The following AGBL3 variants were observed in gnomAD, a reference collection of about 807,000 sequenced individuals.
AGBL3 encodes the protein cytosolic carboxypeptidase 3.
Under a neutral mutation model 94.5 loss-of-function variants are expected in AGBL3, and 68 were observed. That is an observed-to-expected ratio of 0.72 (90% CI 0.59 to 0.88). The LOEUF (loss-of-function observed/expected upper bound fraction) is 0.88, where lower values mean the gene tolerates loss of function less well. Ranked by LOEUF, AGBL3 falls within the 40% of genes least tolerant of loss-of-function variation. The pLI, the probability that AGBL3 is intolerant of heterozygous loss-of-function variation, is 0.00. For missense variants in AGBL3, 934 were observed against 1,103.8 expected (o/e 0.85, Z 2.18); for synonymous variants, 354 against 370.7 (o/e 0.95, Z 0.52).
At chr7:135,020,235 A>G (rs1330219133) in intron 5 of AGBL3, among the ~76,000 whole-genome samples, 6 of 152,164 alleles carry the variant, frequency 3.9e-5, no homozygotes, top group African/African-American at 1.4e-4. Context: ...AACCCCATCA[A>G]CAAGTGGGTG....
chr7:135,096,733 G>GAA (rs1554516728), intron 15 of AGBL3, among the ~76,000 whole-genome samples: 1 of 51,152 alleles, frequency 2.0e-5, no homozygotes, highest in Non-Finnish European at 4.1e-5. Context: ...AAGAAAGAAA[G>GAA]AGAAAGAATG....
At chr7:135,052,763 C>G (rs1205279647) in intron 11 of AGBL3, among the ~76,000 whole-genome samples, 1 of 152,238 alleles carries the variant, frequency 6.6e-6, no homozygotes, top group African/African-American at 2.4e-5. Context: ...AGTAAATCCT[C>G]TATAACTTTG....
Position 135,135,771 on chromosome 7 carries a change from G to A in AGBL3, c.*510G>A, listed in dbSNP as rs1829321459. ...AACATACCTGAATAAAATGATTACA[G>A]AATAAGATAAAGTGTTAAGTTGTGC... On this transcript the variant is annotated 3_prime_UTR_variant, in exon 17 of 17. Transcript: ENST00000436302. The A allele has an allele frequency of 6.6e-6, 1 of 152,120 alleles. No individual in the cohort carries two copies. The highest frequency in any genetic ancestry group is 2.4e-5 in the African/African-American group (1 of 41,418). 9.4% of individuals were successfully genotyped at this position (152,120 alleles called of 1,614,324 possible). A position where few individuals can be genotyped will look rare whatever the true frequency, so the allele number is the denominator to read the frequency against.
intron 15 of AGBL3, among the ~76,000 whole-genome samples, chr7:135,105,174 A>G (rs1274076000): frequency 2.0e-5 from 3 of 149,938 alleles, no homozygotes; most frequent in Admixed American, 6.7e-5. Flanking sequence ...GATTCAAGAG[A>G]TTCTCTTGCC....
chr7:135,081,660 A>G, intron 14 of AGBL3, 59 bp from the exon 15 acceptor site: 1 of 1,161,066 alleles, frequency 8.6e-7, no homozygotes, highest in Non-Finnish European at 1.2e-6. Context: ...GATGAAAAAT[A>G]TGAAATGTAA....
At chr7:135,004,852 ATTAT>A (rs1308456770) in intron 4 of AGBL3, among the ~76,000 whole-genome samples, 1 of 151,544 alleles carries the variant, frequency 6.6e-6, no homozygotes, top group Admixed American at 6.6e-5. Flanking sequence ...AGTGCTTGAA[ATTAT>A]TTATTAGTTC....
At chr7:135,132,114 A>C (rs925846773) in intron 16 of AGBL3, among the ~76,000 whole-genome samples, 1 of 152,210 alleles carries the variant, frequency 6.6e-6, no homozygotes, top group African/African-American at 2.4e-5. Flanking sequence ...ATTAATACCA[A>C]TTCTATACAA....
chr7:135,076,053 A>C (rs1820416693), intron 12 of AGBL3, among the ~76,000 whole-genome samples: 1 of 152,202 alleles, frequency 6.6e-6, no homozygotes, highest in African/African-American at 2.4e-5. Flanking sequence ...TTGGGCTAGA[A>C]GGAACAGGCT....
intron 16 of AGBL3, among the ~76,000 whole-genome samples, chr7:135,124,506 G>C (rs532150935): frequency 6.6e-6 from 1 of 152,246 alleles, no homozygotes; most frequent in South Asian, 2.1e-4. Flanking sequence ...AAATTAACAA[G>C]GATATTCAGG....
chr7:135,068,430 T>A (rs1035961346), intron 12 of AGBL3, among the ~76,000 whole-genome samples: 1 of 151,970 alleles, frequency 6.6e-6, no homozygotes, highest in African/African-American at 2.4e-5. Flanking sequence ...AGACACATAA[T>A]TGTCAGATTC....
chr7:135,033,128 AG>A (rs777982591), intron 6 of AGBL3, 146 bp downstream of exon 6: 5 of 907,694 alleles, frequency 5.5e-6, no homozygotes, highest in Non-Finnish European at 7.7e-6. Context: ...GTTGTGGAGG[AG>A]GGGAGTATAA....
intron 12 of AGBL3, among the ~76,000 whole-genome samples, chr7:135,062,773 G>A (rs995463441): frequency 1.3e-5 from 2 of 152,070 alleles, no homozygotes; most frequent in Non-Finnish European, 2.9e-5. Context: ...TTAGTATTCT[G>A]TTGAAGATTT....
At chr7:135,014,421 A>G (rs1584832239) in intron 4 of AGBL3, among the ~76,000 whole-genome samples, 2 of 152,198 alleles carry the variant, frequency 1.3e-5, no homozygotes, top group African/African-American at 4.8e-5. Context: ...TATCCCTTTT[A>G]TAAGATCATT....
chr7:135,106,645 G>A (rs1421092101), intron 15 of AGBL3, among the ~76,000 whole-genome samples: 1 of 152,166 alleles, frequency 6.6e-6, no homozygotes, highest in Non-Finnish European at 1.5e-5. Flanking sequence ...TTGCATCAAT[G>A]TTCACCAAGG....
chr7:135,034,117 G>T, intron 6 of AGBL3, 32 bp from the exon 7 acceptor site: 4 of 1,347,508 alleles, frequency 3.0e-6, no homozygotes, highest in Non-Finnish European at 3.9e-6. Flanking sequence ...ACATTCTTAC[G>T]TGCTTTTTTC....
At chr7:135,095,786 A>G (rs897887929) in intron 15 of AGBL3, among the ~76,000 whole-genome samples, 16 of 152,144 alleles carry the variant, frequency 1.1e-4, no homozygotes, top group African/African-American at 3.6e-4. Flanking sequence ...TGGATCATCC[A>G]GGGGAGCATC....
intron 8 of AGBL3, among the ~76,000 whole-genome samples, chr7:135,042,686 G>A (rs557605585): frequency 6.6e-5 from 10 of 152,262 alleles, no homozygotes; most frequent in Middle Eastern, 3.4e-3. Flanking sequence ...AAGGCAGGAG[G>A]ATGGCATGAG....
At chr7:135,094,190 C>T (rs1437554004) in intron 15 of AGBL3, 6 of 351,650 alleles carry the variant, frequency 1.7e-5, no homozygotes, top group South Asian at 6.6e-5. Flanking sequence ...GGGGCCTTCT[C>T]GTTTTAGCTG....
intron 4 of AGBL3, chr7:134,995,573 ATATAG>A (rs1810907935): frequency 6.6e-6 from 1 of 152,146 alleles, no homozygotes; most frequent in Admixed American, 6.5e-5. Flanking sequence ...GAAATTCTAA[ATATAG>A]TTTCTAACCA....
Sources: allele counts gnomAD v4.1 joint callset (sites outside exome capture counted in the v4.1 genomes callset), GRCh38; gene constraint gnomAD v4.1.1; transcripts MANE v1.5; gene names NCBI Gene and HGNC (gene_info 2026-07-23, HGNC 2026-07-21).